Variants in NPHS2 observed in about 807,000 individuals in gnomAD.
The protein encoded by NPHS2 is podocin.
NPHS2 carries 36 observed loss-of-function variants against 37.1 expected under a neutral mutation model. That is an observed-to-expected ratio of 0.97 (90% confidence interval 0.74 to 1.28). NPHS2 has a LOEUF of 1.28. Among genes scored for constraint, NPHS2 ranks in the 50% most tolerant of loss-of-function variants. The pLI is 0.00. For synonymous variants in NPHS2, 196 were observed against 189.3 expected (o/e 1.04, Z -0.29); for missense variants, 447 against 488.1 (o/e 0.92, Z 0.79).
intron 1 of NPHS2, among the ~76,000 whole-genome samples, chr1:179,571,570 C>T (rs1188939820): frequency 5.9e-5 from 9 of 152,212 alleles, no homozygotes; most frequent in Admixed American, 2.6e-4. Context: ...AGAGCTCAAA[C>T]GCTGTGCTGG....
intron 1 of NPHS2, among the ~76,000 whole-genome samples, chr1:179,566,287 G>T (rs1674332260): frequency 6.6e-6 from 1 of 152,228 alleles, no homozygotes; most frequent in Admixed American, 6.5e-5. Context: ...GTATCTCATT[G>T]TGGTTTTGAT....
At chr1:179,555,119 C>G (rs942567345) in intron 5 of NPHS2, among the ~76,000 whole-genome samples, 2 of 152,196 alleles carry the variant, frequency 1.3e-5, no homozygotes, top group Non-Finnish European at 2.9e-5. Context: ...CACCTGGACT[C>G]TAGCCCATTG....
At chr1:179,559,971 T>G (rs1199523322) in intron 3 of NPHS2, among the ~76,000 whole-genome samples, 1 of 152,168 alleles carries the variant, frequency 6.6e-6, no homozygotes, top group Non-Finnish European at 1.5e-5. Context: ...AAACAGGGAT[T>G]ATTCCCAGCA....
At chr1:179,557,623 A>G (rs1441236822) in intron 4 of NPHS2, among the ~76,000 whole-genome samples, 2 of 152,192 alleles carry the variant, frequency 1.3e-5, no homozygotes, top group African/African-American at 4.8e-5. Flanking sequence ...GATGATATAC[A>G]TCATAAGCCC....
chr1:179,552,812 C>G, intron 6 of NPHS2, 131 bp from the exon 7 acceptor site: 1 of 727,632 alleles, frequency 1.4e-6, no homozygotes, highest in Non-Finnish European at 2.5e-6. Context: ...CAGAGTGTGC[C>G]ATTCCTAGAC....
intron 1 of NPHS2, among the ~76,000 whole-genome samples, chr1:179,570,687 G>C (rs1674521717): frequency 6.6e-6 from 1 of 152,226 alleles, no homozygotes; most frequent in Admixed American, 6.5e-5. Context: ...TGAGGGGCCT[G>C]CTCCCAACAC....
chr1:179,557,173 C>G lies in NPHS2; in HGVS notation c.592G>C (p.Glu198Gln), dbSNP rs765185151. 1.2e-6 allele frequency: 2 copies of G among 1,614,052 alleles called. No individual in the cohort carries two copies. The highest frequency in any genetic ancestry group is 2.2e-5 in the South Asian group (2 of 91,080). Residue 198 changes from glutamate to glutamine, a missense_variant, in exon 5 of 8, where the codon GAA becomes CAA. Coordinates refer to ENST00000367615, the MANE Select transcript of NPHS2 (RefSeq NM_014625.4). ...EIDAICYYRM[E>Q]NASLLLSSLA... ...CTGCTTAGGAGAAGAGAGGCATTTT[C>G]CATTCGGTAGTAGCAAATGGCATCT... is the stretch of plus-strand genomic sequence containing the variant.
intron 2 of NPHS2, among the ~76,000 whole-genome samples, chr1:179,563,377 A>C (rs995709662): frequency 3.3e-5 from 5 of 152,240 alleles, no homozygotes; most frequent in African/African-American, 9.6e-5. Context: ...CAGTAGTGAC[A>C]GTTGGAGACT....
At chr1:179,571,294 T>C (rs1276218965) in intron 1 of NPHS2, among the ~76,000 whole-genome samples, 1 of 152,256 alleles carries the variant, frequency 6.6e-6, no homozygotes, top group Non-Finnish European at 1.5e-5. Flanking sequence ...CCTTTCTGTT[T>C]GTTAGTTTTC....
chr1:179,554,444 A>G (rs1359094920), intron 6 of NPHS2, 32 bp downstream of exon 6: 2 of 1,613,698 alleles, frequency 1.2e-6, no homozygotes, highest in East Asian at 4.5e-5. Flanking sequence ...TTCCTTTATC[A>G]TACAGTTCTT....
chr1:179,564,699 G>C lies in NPHS2; in HGVS notation c.369C>G (p.Phe123Leu). ...CCTTATGGAATCTCACCTTTACGCA[G>C]AACCAGATGGAAAAAGGGAAGGTCA... ...IIMTFPFSIW[F>L]CVKVVQEYER... Residue 123 changes from phenylalanine to leucine, a missense_variant, in exon 2 of 8, where the codon TTC (phenylalanine) becomes TTG (leucine). Transcript: ENST00000367615. The C allele has an allele frequency of 1.2e-6, 2 of 1,613,876 alleles. No homozygotes were observed. Among genetic ancestry groups the C allele is most frequent in the Non-Finnish European group, 8.5e-7 (1 of 1,179,848 alleles).
chr1:179,569,884 A>G (rs748575804), intron 1 of NPHS2, among the ~76,000 whole-genome samples: 1 of 152,134 alleles, frequency 6.6e-6, no homozygotes, highest in Admixed American at 6.5e-5. Flanking sequence ...ACTCTCTTCT[A>G]GCTTATAGGA....
At chr1:179,558,373 T>TAGGAACCTTCA (rs1002233988) in intron 4 of NPHS2, among the ~76,000 whole-genome samples, 1 of 152,168 alleles carries the variant, frequency 6.6e-6, no homozygotes, top group African/African-American at 2.4e-5. Context: ...GTCAGCATAA[T>TAGGAACCTTCA]GTCCTCAAGG....
At chr1:179,561,847 C>G (rs1476666892) in intron 2 of NPHS2, among the ~76,000 whole-genome samples, 1 of 151,936 alleles carries the variant, frequency 6.6e-6, no homozygotes, top group Non-Finnish European at 1.5e-5. Context: ...CTCTTGTTAC[C>G]CAGACTGGAG....
chr1:179,553,793 C>T (rs1393916085), intron 6 of NPHS2, among the ~76,000 whole-genome samples: 1 of 152,154 alleles, frequency 6.6e-6, no homozygotes, highest in African/African-American at 2.4e-5. Flanking sequence ...GTCACCCGGG[C>T]TGGAGTGCAA....
At chr1:179,551,701 A>G in intron 7 of NPHS2, 1 of 511,648 alleles carries the variant, frequency 2.0e-6, no homozygotes, top group Non-Finnish European at 3.5e-6. Context: ...GGGAGTTATT[A>G]GCATCTGGTG....
Position 179,561,360 on chromosome 1 carries a change from A to G in NPHS2, c.380T>C (p.Val127Ala). Residue 127 changes from valine to alanine, a missense_variant and splice_region_variant, in exon 3 of 8, where the codon GTT (valine) becomes GCT (alanine). By Grantham distance (64) the Val-to-Ala change is moderately conservative (BLOSUM62 0). Transcript: ENST00000367615. ...AATTACTCTTTCATACTCTTGTACA[A>G]CCTAAAGAGAAATTTAATCCTTTCA... ...FPFSIWFCVK[V>A]VQEYERVIIF... 1 of 1,606,070 alleles carries G rather than the reference A, an allele frequency of 6.2e-7. No homozygotes were observed. The highest frequency in any genetic ancestry group is 8.5e-7 in the Non-Finnish European group (1 of 1,172,786).
At chr1:179,568,149 T>C (rs112439687) in intron 1 of NPHS2, among the ~76,000 whole-genome samples, 1 of 152,110 alleles carries the variant, frequency 6.6e-6, no homozygotes, top group African/African-American at 2.4e-5. Context: ...TCTTTGTACC[T>C]CTGGTAGGAT....
At chr1:179,569,449 A>T (rs1018048680) in intron 1 of NPHS2, among the ~76,000 whole-genome samples, 3 of 152,042 alleles carry the variant, frequency 2.0e-5, no homozygotes, top group Non-Finnish European at 2.9e-5. Flanking sequence ...TGCACATCAG[A>T]TGGGTCTCTG....
Sources: allele counts gnomAD v4.1 joint callset (sites outside exome capture counted in the v4.1 genomes callset), GRCh38; gene constraint gnomAD v4.1.1; transcripts MANE v1.5; gene names NCBI Gene and HGNC (gene_info 2026-07-23, HGNC 2026-07-21).